Variants in NXPH1 observed in about 807,000 individuals in gnomAD.
The protein encoded by NXPH1 is neurexophilin 1, also known as neurexophilin-1.
NXPH1 carries 5 observed loss-of-function variants against 23.7 expected under a neutral mutation model. The ratio of observed to expected loss-of-function variants is 0.21; its 90% CI spans 0.11 to 0.44. The LOEUF (loss-of-function observed/expected upper bound fraction) is 0.44. Among genes scored for constraint, NXPH1 ranks in the 20% least tolerant of loss-of-function variants. NXPH1 has a pLI of 0.99. For missense variants in NXPH1, 324 were observed against 321.6 expected, an observed-to-expected ratio of 1.01 and a Z score of -0.06; for synonymous variants, 144 against 122.2, an observed-to-expected ratio of 1.18 and a Z score of -1.18.
intron 2 of NXPH1, among the ~76,000 whole-genome samples, chr7:8,728,389 G>C (rs1323061200): frequency 6.6e-6 from 1 of 152,094 alleles, no homozygotes; most frequent in East Asian, 1.9e-4. Flanking sequence ...AATGGGAGTG[G>C]TGAGAGAGGG....
At chr7:8,484,337 CT>C (rs1263204281) in intron 2 of NXPH1, among the ~76,000 whole-genome samples, 1 of 151,884 alleles carries the variant, frequency 6.6e-6, no homozygotes, top group African/African-American at 2.4e-5. Flanking sequence ...GCTGGAAATA[CT>C]TGGTCCGCTT....
At chr7:8,512,806 A>G (rs943791829) in intron 2 of NXPH1, among the ~76,000 whole-genome samples, 1 of 152,260 alleles carries the variant, frequency 6.6e-6, no homozygotes, top group Non-Finnish European at 1.5e-5. Context: ...GTAGAAAAGG[A>G]GCGTTTCCAT....
intron 2 of NXPH1, among the ~76,000 whole-genome samples, chr7:8,495,562 A>AT (rs544947266): frequency 7.3e-5 from 11 of 151,700 alleles, no homozygotes; most frequent in South Asian, 4.2e-4. Flanking sequence ...CTTTTCTAGC[A>AT]TTTTTTTTCA....
chr7:8,580,679 C>T (rs908033041), intron 2 of NXPH1, among the ~76,000 whole-genome samples: 4 of 152,132 alleles, frequency 2.6e-5, no homozygotes, highest in African/African-American at 4.8e-5. Context: ...GAGTGAAGTT[C>T]CCTGACACCC....
At position 8,670,090 on chromosome 7, in the gene NXPH1, A is replaced by G. The variant is rs556844580; in HGVS notation, c.55-80918A>G. Reference sequence around the variant, plus strand: ...CTCTTGAAGATTATCAGTAACCCCTAATGACGTAAACCAATGTCATTTTCT... The same window carrying G: ...CTCTTGAAGATTATCAGTAACCCCTGATGACGTAAACCAATGTCATTTTCT... On this transcript the variant is annotated intron_variant, in intron 2 of 2. Transcript: ENST00000405863. Among the ~76,000 whole-genome samples, 170 of 152,274 alleles carry G rather than the reference A, an allele frequency of 1.1e-3. 2 individuals are homozygous for G. In the South Asian group the frequency reaches 0.032, roughly 29 times the overall value.
intron 2 of NXPH1, among the ~76,000 whole-genome samples, chr7:8,497,862 G>A (rs1817364677): frequency 6.6e-6 from 1 of 152,104 alleles, no homozygotes; most frequent in Non-Finnish European, 1.5e-5. Context: ...AAGCTCTTTA[G>A]TTTAATTAGA....
At chr7:8,463,048 A>T (rs1340506625) in intron 2 of NXPH1, among the ~76,000 whole-genome samples, 1 of 152,204 alleles carries the variant, frequency 6.6e-6, no homozygotes, top group Non-Finnish European at 1.5e-5. Flanking sequence ...TAGCCCAGAA[A>T]ATTCTTTACT....
At chr7:8,597,709 G>A (rs189302104) in intron 2 of NXPH1, among the ~76,000 whole-genome samples, 10 of 114,160 alleles carry the variant, frequency 8.8e-5, no homozygotes, top group African/African-American at 1.3e-4. Flanking sequence ...GATCCGGGTG[G>A]GGGGCGGGGG....
At chr7:8,510,901 C>T (rs76738086) in intron 2 of NXPH1, among the ~76,000 whole-genome samples, 10,030 of 152,120 alleles carry the variant, frequency 0.066, 453 homozygotes, top group Middle Eastern at 0.15. Context: ...AACTTCTGAA[C>T]CCTTCCATTG....
intron 2 of NXPH1, among the ~76,000 whole-genome samples, chr7:8,642,660 C>T (rs1039878877): frequency 6.6e-6 from 1 of 152,036 alleles, no homozygotes; most frequent in African/African-American, 2.4e-5. Context: ...ACATGAATAT[C>T]ATCAATAAAT....
intron 2 of NXPH1, among the ~76,000 whole-genome samples, chr7:8,639,678 T>C (rs1820275769): frequency 6.6e-6 from 1 of 152,166 alleles, no homozygotes; most frequent in Non-Finnish European, 1.5e-5. Context: ...TCCCACGTAT[T>C]GTGGGAGGGA....
chr7:8,636,621 A>C (rs1317230048), intron 2 of NXPH1, among the ~76,000 whole-genome samples: 1 of 152,226 alleles, frequency 6.6e-6, no homozygotes, highest in Non-Finnish European at 1.5e-5. Flanking sequence ...ATGCAAGCTA[A>C]GGGGAATCAT....
At chr7:8,606,407 G>A (rs1454664782) in intron 2 of NXPH1, among the ~76,000 whole-genome samples, 1 of 152,088 alleles carries the variant, frequency 6.6e-6, no homozygotes, top group East Asian at 1.9e-4. Context: ...CTGCTTCAAA[G>A]GTACTGTTAA....
In NXPH1 at chr7:8,435,624, C is replaced by G; in HGVS notation, c.-90C>G. 8.3e-7 allele frequency: 1 copy of G among 1,201,460 alleles called. No homozygotes were observed. Among genetic ancestry groups the G allele is most frequent in the South Asian group, 1.2e-5 (1 of 82,826 alleles). 74.4% of individuals were successfully genotyped at this position (1,201,460 alleles called of 1,614,324 possible). On this transcript the variant is annotated 5_prime_UTR_variant, in exon 2 of 3. Coordinates refer to ENST00000405863, the MANE Select transcript of NXPH1 (RefSeq NM_152745.3). This position sits in a 1 kb window ranked among gnomAD's most constrained non-coding sequence, Gnocchi z 5.9. ...TCTAGGCTGCTGAGAGCGCTCCTTG[C>G]TCTGTAAAGTGGATGTCAGGTGGAT...
At chr7:8,520,561 G>C (rs1817754409) in intron 2 of NXPH1, among the ~76,000 whole-genome samples, 1 of 152,150 alleles carries the variant, frequency 6.6e-6, no homozygotes, top group Admixed American at 6.5e-5. Flanking sequence ...TCCCCCCAAA[G>C]CTGTCAGTGA....
At chr7:8,483,808 T>C (rs935248336) in intron 2 of NXPH1, among the ~76,000 whole-genome samples, 6 of 152,172 alleles carry the variant, frequency 3.9e-5, no homozygotes, top group African/African-American at 1.4e-4. Flanking sequence ...CCAAGGTCCA[T>C]AGAAGTTTTA....
chr7:8,658,952 C>T (rs944448517), intron 2 of NXPH1, among the ~76,000 whole-genome samples: 8 of 151,070 alleles, frequency 5.3e-5, no homozygotes, highest in African/African-American at 2.0e-4. Context: ...CTGTGATTTA[C>T]AGAAGAATAG....
chr7:8,671,381 A>G (rs1436964267), intron 2 of NXPH1, among the ~76,000 whole-genome samples: 1 of 152,162 alleles, frequency 6.6e-6, no homozygotes, highest in African/African-American at 2.4e-5. Flanking sequence ...GATTGCCAAT[A>G]TGATGTTTGG....
rs1217192833 is a variant in NXPH1, at chr7:8,739,140, C to T, written c.55-11868C>T. ...CCCTTTCCAAGGGAGTGAACGGTTTCGTCTCACTGGAGTTCCAGGCACCAG... is the reference window on the plus strand; with the variant it reads ...CCCTTTCCAAGGGAGTGAACGGTTTTGTCTCACTGGAGTTCCAGGCACCAG... On this transcript the variant is annotated intron_variant, in intron 2 of 2. Coordinates refer to ENST00000405863, the MANE Select transcript of NXPH1 (RefSeq NM_152745.3). Among the ~76,000 whole-genome samples, 7 of 119,924 alleles carry T rather than the reference C, an allele frequency of 5.8e-5. No individual in the cohort carries two copies. The East Asian group carries it at 7.8e-4, about 13-fold the overall frequency. The allele number at this position is 119,924 out of a possible 152,430, so 78.7% of individuals were successfully genotyped here.
Sources: gnomAD v4.1 joint callset for allele counts (sites outside exome capture counted in the v4.1 genomes callset) on GRCh38, gnomAD v4.1.1 for gene constraint, Gnocchi (gnomAD v3.1) non-coding constraint, MANE v1.5 for transcripts, NCBI Gene and HGNC (gene_info 2026-07-23, HGNC 2026-07-21) for gene names.